Variants in DIP2A observed in about 807,000 individuals in gnomAD.
DIP2A encodes the protein DIP2 acetate--CoA ligase A, also known as disco-interacting protein 2 homolog A.
DIP2A carries 85 observed loss-of-function variants against 177.4 expected under a neutral mutation model. The ratio of observed to expected loss-of-function variants is 0.48; its 90% CI spans 0.40 to 0.57. DIP2A has a LOEUF of 0.57. Among genes scored for constraint, DIP2A ranks in the 20% least tolerant of loss-of-function variants. The probability of loss-of-function intolerance (pLI) is 0.00; values close to 1 mark genes in which losing one functional copy is unlikely to be tolerated. For missense variants in DIP2A, 1,791 were observed against 2,100.2 expected (o/e 0.85, Z 2.88); for synonymous variants, 886 against 881.8 (o/e 1.00, Z -0.08).
intron 37 of DIP2A, among the ~76,000 whole-genome samples, chr21:46,567,048 G>A (rs944072650): frequency 1.3e-5 from 2 of 152,202 alleles, no homozygotes; most frequent in African/African-American, 2.4e-5. Context: ...GATTTCCACA[G>A]GTCTCATCCT....
the DIP2A span, among the ~76,000 whole-genome samples, chr21:46,575,848 C>T: frequency 3.3e-5 from 5 of 152,308 alleles, no homozygotes; most frequent in Non-Finnish European, 7.4e-5. Context: ...AGATTCAAGG[C>T]AGTCCCTATC....
chr21:46,554,066 A>G, intron 25 of DIP2A, 103 bp from the exon 26 acceptor site: 1 of 1,421,482 alleles, frequency 7.0e-7, no homozygotes, highest in Non-Finnish European at 9.5e-7. Context: ...CGCTAATCAC[A>G]AGGTGTCGTG....
Position 46,498,694 on chromosome 21 carries a change from G to A in DIP2A, c.516G>A (p.Gln172=). Residue 172 remains glutamine, a synonymous_variant, in exon 5 of 38, where the codon CAG becomes CAA. Transcript: ENST00000417564. The surrounding 1 kb of genome is among the most constrained non-coding windows in gnomAD (Gnocchi z 4.3). The part of the protein sequence containing the change: ...SVEPWLDRVI[Q]GSSTSSSASS... ...AGCCCTGGCTCGACCGGGTCATTCA[G>A]GGCTCGTCCACCTCATCCTCTGCAT... 1 of 1,613,878 alleles carries A rather than the reference G, an allele frequency of 6.2e-7. No homozygotes were observed.
rs1185583640 is a variant in DIP2A at position 46,568,780 on chromosome 21, G to A, written c.*1158G>A. ...AAGTCAGCAGATTTGGAAGCATTGTGGTAAAGTCTAAGGTTTTCATATCCA... is the reference window on the plus strand; with the variant it reads ...AAGTCAGCAGATTTGGAAGCATTGTAGTAAAGTCTAAGGTTTTCATATCCA... On this transcript the variant is annotated 3_prime_UTR_variant, in exon 38 of 38. Transcript: ENST00000417564. The A allele has an allele frequency of 6.6e-6, 1 of 152,124 alleles. No individual in the cohort carries two copies. The highest frequency in any genetic ancestry group is 1.9e-4 in the East Asian group (1 of 5,194). The allele number at this position is 152,124 out of a possible 1,614,324, so 9.4% of individuals were successfully genotyped here.
intron 34 of DIP2A, among the ~76,000 whole-genome samples, chr21:46,562,245 G>A (rs943877506): frequency 1.3e-5 from 2 of 152,196 alleles, no homozygotes; most frequent in Non-Finnish European, 2.9e-5. Flanking sequence ...GGATCTGGGG[G>A]ATCCTGAGAT....
chr21:46,555,093 G>A lies in DIP2A; in HGVS notation c.3388+160G>A, dbSNP rs548631739. On this transcript the variant is annotated intron_variant, in intron 28 of 37. Transcript: ENST00000417564. ...TGCCCCGGGCCCTGGTGGGGAGTAGGGGTCCCTGTCCCATGTGTAAACCCA... is the reference window on the plus strand; with the variant it reads ...TGCCCCGGGCCCTGGTGGGGAGTAGAGGTCCCTGTCCCATGTGTAAACCCA... 4.6e-5 allele frequency among the ~76,000 whole-genome samples: 7 copies of A among 152,308 alleles called. No homozygotes were observed. The East Asian group carries it at 7.7e-4, about 17-fold the overall frequency.
Position 46,566,650 on chromosome 21 carries a change from C to CT in DIP2A, c.4431dup (p.Val1478CysfsTer10). ...TACCACCCCATCGACATTGAGACCT[C>CT]TGTCATCCGAGCACACAGGAGCATC... is the stretch of plus-strand genomic sequence containing the variant. On this transcript the variant is annotated frameshift_variant, in exon 37 of 38. Coordinates refer to ENST00000417564, the MANE Select transcript of DIP2A (RefSeq NM_015151.4). LOFTEE classifies it high-confidence loss of function. 6.2e-7 allele frequency: 1 copy of CT among 1,614,236 alleles called. No homozygotes were observed. The highest frequency in any genetic ancestry group is 8.5e-7 in the Non-Finnish European group (1 of 1,180,028).
At chr21:46,560,046 C>T (rs1433367350) in intron 32 of DIP2A, among the ~76,000 whole-genome samples, 1 of 152,168 alleles carries the variant, frequency 6.6e-6, no homozygotes, top group Non-Finnish European at 1.5e-5. Context: ...AAACTATTTT[C>T]AAAAAATGTT....
intron 2 of DIP2A, among the ~76,000 whole-genome samples, chr21:46,488,362 G>A (rs1236126490): frequency 6.6e-6 from 1 of 152,170 alleles, no homozygotes; most frequent in Admixed American, 6.5e-5. Flanking sequence ...AGACCTGGGA[G>A]CTAGAACAGA....
At chr21:46,501,089 A>T (rs1320509527) in intron 5 of DIP2A, among the ~76,000 whole-genome samples, 4 of 152,246 alleles carry the variant, frequency 2.6e-5, no homozygotes, top group Non-Finnish European at 5.9e-5. Flanking sequence ...AATCTCAAAA[A>T]TACTCAACTT....
Position 46,459,038 on chromosome 21 carries a change from T to C in DIP2A, c.-94T>C. On this transcript the variant is annotated 5_prime_UTR_variant, in exon 1 of 38. Coordinates refer to ENST00000417564, the MANE Select transcript of DIP2A (RefSeq NM_015151.4). The stretch of plus-strand genomic sequence containing the variant: ...CTCCTCGCCTGGCGGATGTAGGTTG[T>C]TGGCCTGAGGGGAGCTACGTAGCCG... The C allele has an allele frequency of 9.4e-7, 1 of 1,065,084 alleles. No individual in the cohort carries two copies. The highest frequency in any genetic ancestry group is 1.3e-6 in the Non-Finnish European group (1 of 793,922). The allele number at this position is 1,065,084 out of a possible 1,614,324, so 66.0% of individuals were successfully genotyped here.
At position 46,551,649 on chromosome 21, in the gene DIP2A, C is replaced by T; in HGVS notation, c.2855C>T (p.Ser952Leu). Residue 952 changes from serine (S) to leucine (L), a missense_variant, in exon 24 of 38, where the codon TCA becomes TTA. By Grantham distance (145) the Ser-to-Leu change is moderately radical (BLOSUM62 -2). Coordinates refer to ENST00000417564, the MANE Select transcript of DIP2A (RefSeq NM_015151.4). Reference sequence around the variant, plus strand: ...CCGTTTCTAGAGGTTGGACCAGCCTCAATGATCGTGGGGAACCTGGTTGCT... The same window carrying T: ...CCGTTTCTAGAGGTTGGACCAGCCTTAATGATCGTGGGGAACCTGGTTGCT... ...RQKQPEVGPA[S>L]MIVGNLVAGK... 6.2e-7 allele frequency: 1 copy of T among 1,613,966 alleles called. No homozygotes were observed. Among genetic ancestry groups the T allele is most frequent in the Non-Finnish European group, 8.5e-7 (1 of 1,179,876 alleles).
chr21:46,578,517 G>A, the DIP2A span, among the ~76,000 whole-genome samples: 1 of 152,154 alleles, frequency 6.6e-6, no homozygotes, highest in African/African-American at 2.4e-5. Context: ...GTGAGAGGGG[G>A]CATCCTTGTC....
At chr21:46,482,375 C>T (rs1480262164) in intron 1 of DIP2A, among the ~76,000 whole-genome samples, 1 of 152,192 alleles carries the variant, frequency 6.6e-6, no homozygotes, top group African/African-American at 2.4e-5. Flanking sequence ...GCCATTGTAA[C>T]ACAACACATT....
intron 1 of DIP2A, among the ~76,000 whole-genome samples, chr21:46,475,717 T>G (rs1314109959): frequency 1.3e-5 from 2 of 152,222 alleles, no homozygotes; most frequent in African/African-American, 4.8e-5. Context: ...TTGGACACAT[T>G]AGATTCATAT....
chr21:46,556,944 G>T lies in DIP2A; in HGVS notation c.3504G>T (p.Ser1168=), dbSNP rs376414534. ...AACTTTATTTTACTCTTAAGATGTC[G>T]CACGCGGCCACAAGCGCCTTATGCC... ...TTGILAGVKM[S]HAATSALCRS... The change falls in exon 30 of 38, where the codon TCG becomes TCT. Residue 1168 remains serine (S), a synonymous_variant. Transcript: ENST00000417564. This position sits in a 1 kb window ranked among gnomAD's most constrained non-coding sequence, Gnocchi z 4.5. 2 of 1,560,400 alleles carry T rather than the reference G, an allele frequency of 1.3e-6. No homozygotes were observed.
chr21:46,575,320 TACTC>T, the DIP2A span, among the ~76,000 whole-genome samples: 1 of 152,132 alleles, frequency 6.6e-6, no homozygotes, highest in Non-Finnish European at 1.5e-5. Flanking sequence ...ACAAACATCA[TACTC>T]AGTAGTGAAA....
chr21:46,461,056 C>G (rs543536012), intron 1 of DIP2A, among the ~76,000 whole-genome samples: 118 of 151,046 alleles, frequency 7.8e-4, no homozygotes, highest in Non-Finnish European at 1.4e-3. Context: ...CTTGTAATCC[C>G]AACACTTTGG....
At chr21:46,550,770 C>T (rs890955705) in intron 23 of DIP2A, 26 bp downstream of exon 23, 1 of 1,610,022 alleles carries the variant, frequency 6.2e-7, no homozygotes, top group South Asian at 1.1e-5. Context: ...CAACAGGATG[C>T]TCTCTAGTCT....
Sources: allele counts gnomAD v4.1 joint callset (sites outside exome capture counted in the v4.1 genomes callset), GRCh38; gene constraint gnomAD v4.1.1; non-coding constraint Gnocchi (gnomAD v3.1); transcripts MANE v1.5; gene names NCBI Gene and HGNC (gene_info 2026-07-23, HGNC 2026-07-21).